PIP4K2A: variants seen among roughly 807,000 people sequenced by gnomAD.
The protein encoded by PIP4K2A is phosphatidylinositol 5-phosphate 4-kinase type-2 alpha.
Under a neutral mutation model 42.9 loss-of-function variants are expected in PIP4K2A, and 14 were observed. The ratio of observed to expected loss-of-function variants is 0.33; its 90% CI spans 0.22 to 0.51. The LOEUF (loss-of-function observed/expected upper bound fraction) is 0.51. PIP4K2A is among the 20% of genes least tolerant of loss of function. PIP4K2A has a pLI of 0.97. For synonymous variants in PIP4K2A, 192 were observed against 192.2 expected (o/e 1.00, Z 0.01); for missense variants, 434 against 519.8 (o/e 0.83, Z 1.61).
intron 4 of PIP4K2A, among the ~76,000 whole-genome samples, chr10:22,587,255 T>C (rs1228242775): frequency 1.3e-5 from 2 of 150,964 alleles, no homozygotes; most frequent in Admixed American, 1.3e-4. Flanking sequence ...AAAAAAGGGC[T>C]GTTGGGTAAC....
chr10:22,690,143 G>A (rs944693128), intron 1 of PIP4K2A, among the ~76,000 whole-genome samples: 2 of 152,156 alleles, frequency 1.3e-5, no homozygotes, highest in Non-Finnish European at 2.9e-5. Flanking sequence ...GGTTCTAAGG[G>A]TTTAATGTAT....
chr10:22,638,397 T>C (rs1838711226), intron 1 of PIP4K2A, among the ~76,000 whole-genome samples: 1 of 152,218 alleles, frequency 6.6e-6, no homozygotes, highest in Non-Finnish European at 1.5e-5. Context: ...CCTCAATTTA[T>C]AGCCTCTCTC....
chr10:22,586,769 G>A (rs1390819696), intron 4 of PIP4K2A, among the ~76,000 whole-genome samples: 2 of 152,086 alleles, frequency 1.3e-5, no homozygotes, highest in Non-Finnish European at 2.9e-5. Flanking sequence ...GACCTCAGGT[G>A]ATCCACCCAC....
chr10:22,636,713 A>C (rs1318998086), intron 1 of PIP4K2A, among the ~76,000 whole-genome samples: 1 of 152,222 alleles, frequency 6.6e-6, no homozygotes, highest in South Asian at 2.1e-4. Flanking sequence ...CAGCGTGTAA[A>C]TATGTGGACG....
intron 1 of PIP4K2A, among the ~76,000 whole-genome samples, chr10:22,691,116 G>C (rs191864039): frequency 1.8e-4 from 27 of 152,306 alleles, no homozygotes; most frequent in Admixed American, 1.7e-3. Context: ...TTCAGACGGT[G>C]TGTGCCAAAC....
chr10:22,624,780 G>A (rs1838401354), intron 1 of PIP4K2A, among the ~76,000 whole-genome samples: 1 of 152,142 alleles, frequency 6.6e-6, no homozygotes, highest in Non-Finnish European at 1.5e-5. Flanking sequence ...AGAAACCAAA[G>A]CTTTGAAAGA....
chr10:22,557,365 T>C (rs981836491), intron 6 of PIP4K2A, among the ~76,000 whole-genome samples: 2 of 152,250 alleles, frequency 1.3e-5, no homozygotes, highest in Non-Finnish European at 2.9e-5. Context: ...TTAGTACTTT[T>C]ATGCTTAAAA....
chr10:22,542,151 G>T, intron 7 of PIP4K2A, 104 bp from the exon 8 acceptor site: 1 of 1,048,462 alleles, frequency 9.5e-7, no homozygotes, highest in Non-Finnish European at 1.4e-6. Flanking sequence ...GCTGTGGGGT[G>T]GGGCAGCAGA....
At chr10:22,573,519 T>C (rs1837039244) in intron 4 of PIP4K2A, 62 bp from the exon 5 acceptor site, 2 of 1,414,760 alleles carry the variant, frequency 1.4e-6, no homozygotes, top group Admixed American at 3.9e-5. Flanking sequence ...TCCTTAGATG[T>C]AAAATACATA....
intron 1 of PIP4K2A, among the ~76,000 whole-genome samples, chr10:22,647,168 A>G (rs1488954949): frequency 6.6e-6 from 1 of 151,952 alleles, no homozygotes; most frequent in East Asian, 1.9e-4. Context: ...TATTATTATT[A>G]CTCTCATTAT....
At chr10:22,648,162 T>C (rs1198087676) in intron 1 of PIP4K2A, among the ~76,000 whole-genome samples, 2 of 152,220 alleles carry the variant, frequency 1.3e-5, no homozygotes, top group African/African-American at 2.4e-5. Context: ...TGTTTAAATA[T>C]ACAGTTTTCT....
chr10:22,573,086 A>G lies in PIP4K2A; in HGVS notation c.639+225T>C, dbSNP rs571766175. On this transcript the variant is annotated intron_variant, in intron 5 of 9. Coordinates refer to ENST00000376573, the MANE Select transcript of PIP4K2A (RefSeq NM_005028.5). ...GCATCTAGAACAGTGCCTGGTATGC[A>G]GTTGGCTGAATATTTAAGTAGATGT... Among the ~76,000 whole-genome samples, 13 of 152,296 alleles carry G rather than the reference A, an allele frequency of 8.5e-5. No individual in the cohort carries two copies. The East Asian group carries it at 2.3e-3, about 27-fold the overall frequency.
intron 4 of PIP4K2A, among the ~76,000 whole-genome samples, chr10:22,576,410 A>C (rs1837123204): frequency 7.9e-5 from 12 of 152,118 alleles, no homozygotes. Context: ...AACTCGTAAC[A>C]CCAGCGGGTG....
chr10:22,690,507 A>G (rs1839844625), intron 1 of PIP4K2A, among the ~76,000 whole-genome samples: 1 of 152,242 alleles, frequency 6.6e-6, no homozygotes, highest in African/African-American at 2.4e-5. Context: ...AAAATTTTGA[A>G]AAGTTTTTAC....
chr10:22,633,775 T>C (rs1020303362), intron 1 of PIP4K2A, among the ~76,000 whole-genome samples: 16 of 152,206 alleles, frequency 1.1e-4, no homozygotes, highest in African/African-American at 7.2e-5. Flanking sequence ...CATGTAGTTT[T>C]GTTTTCTCGG....
At chr10:22,647,340 G>A (rs1191702896) in intron 1 of PIP4K2A, among the ~76,000 whole-genome samples, 1 of 151,802 alleles carries the variant, frequency 6.6e-6, no homozygotes, top group African/African-American at 2.4e-5. Flanking sequence ...GTGTGTGTGT[G>A]CACGCGCGTG....
chr10:22,615,015 T>C (rs1186844007), intron 1 of PIP4K2A, among the ~76,000 whole-genome samples: 1 of 152,250 alleles, frequency 6.6e-6, no homozygotes, highest in Non-Finnish European at 1.5e-5. Flanking sequence ...TAGAAAACTT[T>C]AAATTATTAG....
intron 1 of PIP4K2A, among the ~76,000 whole-genome samples, chr10:22,657,294 A>G (rs1839121215): frequency 6.6e-6 from 1 of 152,234 alleles, no homozygotes; most frequent in Non-Finnish European, 1.5e-5. Context: ...CCAGACATCC[A>G]TGGGAGACAG....
chr10:22,598,436 C>G (rs1347469952), intron 3 of PIP4K2A, among the ~76,000 whole-genome samples: 1 of 152,172 alleles, frequency 6.6e-6, no homozygotes, highest in Non-Finnish European at 1.5e-5. Context: ...TCCTAAAGGC[C>G]TCAATAATAA....
Sources: gnomAD v4.1 joint callset for allele counts (sites outside exome capture counted in the v4.1 genomes callset) on GRCh38, gnomAD v4.1.1 for gene constraint, MANE v1.5 for transcripts, NCBI Gene and HGNC (gene_info 2026-07-23, HGNC 2026-07-21) for gene names.